Variants in PTPRD observed in about 807,000 individuals in gnomAD.
PTPRD encodes the protein receptor-type tyrosine-protein phosphatase delta.
Under a neutral mutation model 214.5 loss-of-function variants are expected in PTPRD, and 34 were observed. The ratio of observed to expected loss-of-function variants is 0.16; its 90% CI spans 0.12 to 0.21. PTPRD has a LOEUF of 0.21. Among genes scored for constraint, PTPRD ranks in the 10% least tolerant of loss-of-function variants. PTPRD has a pLI of 1.00. For synonymous variants in PTPRD, 1,128 were observed against 845.7 expected, an observed-to-expected ratio of 1.33 and a Z score of -5.79; for missense variants, 2,545 against 2,398.7, an observed-to-expected ratio of 1.06 and a Z score of -1.27.
chr9:8,475,972 T>C (rs1260383652), intron 30 of PTPRD, among the ~76,000 whole-genome samples: 5 of 152,192 alleles, frequency 3.3e-5, no homozygotes, highest in Admixed American at 1.3e-4. Context: ...TTAAAACATT[T>C]CAATGGATCC....
At chr9:9,155,106 T>C (rs964877825) in intron 10 of PTPRD, among the ~76,000 whole-genome samples, 5 of 152,180 alleles carry the variant, frequency 3.3e-5, no homozygotes, top group African/African-American at 1.2e-4. Context: ...CAGTTTCTTA[T>C]GTAGTACGAA....
In PTPRD at chr9:8,451,740, A is replaced by G. The variant is rs764344677; in HGVS notation, c.3876-1903T>C. 14 of 312,816 alleles carry G rather than the reference A, an allele frequency of 4.5e-5. No individual in the cohort carries two copies. In the East Asian group the frequency reaches 9.4e-4, roughly 21 times the overall value. 19.4% of individuals were successfully genotyped at this position (312,816 alleles called of 1,614,324 possible). ...CCTTCTCATGTTTTGATCATTTTGCATAAGTTGGCAAGGATGCATTTCTTT... is the reference window on the plus strand; with the variant it reads ...CCTTCTCATGTTTTGATCATTTTGCGTAAGTTGGCAAGGATGCATTTCTTT... On this transcript the variant is annotated intron_variant, in intron 33 of 45. Coordinates refer to ENST00000381196, the MANE Select transcript of PTPRD (RefSeq NM_002839.4).
chr9:8,621,168 C>A (rs187347051), intron 14 of PTPRD, among the ~76,000 whole-genome samples: 160 of 151,972 alleles, frequency 1.1e-3, no homozygotes, highest in African/African-American at 3.8e-3. Context: ...TTCAACTCCA[C>A]ACCAATTACT....
chr9:9,445,314 A>T (rs10816128), intron 8 of PTPRD, among the ~76,000 whole-genome samples: 1 of 151,870 alleles, frequency 6.6e-6, no homozygotes, highest in Non-Finnish European at 1.5e-5. Context: ...CTAGTCAGTT[A>T]TGCATGCCAT....
chr9:10,413,449 G>A lies in PTPRD; in HGVS notation c.-599-72432C>T, dbSNP rs549886739. On this transcript the variant is annotated intron_variant, in intron 2 of 45. Coordinates refer to ENST00000381196, the MANE Select transcript of PTPRD (RefSeq NM_002839.4). The stretch of plus-strand genomic sequence containing the variant: ...TAAGAACTACAAAATATTGCCCAAA[G>A]AATCAGAGATGACCCAAACAAATGG... Among the ~76,000 whole-genome samples, 5 of 151,814 alleles carry A rather than the reference G, an allele frequency of 3.3e-5. No individual in the cohort carries two copies. The South Asian group carries it at 8.3e-4, about 25-fold the overall frequency.
At chr9:10,267,410 G>T (rs986807416) in intron 3 of PTPRD, among the ~76,000 whole-genome samples, 1 of 152,002 alleles carries the variant, frequency 6.6e-6, no homozygotes, top group African/African-American at 2.4e-5. Context: ...AAAAATGTAC[G>T]TTAATGTATT....
At chr9:9,785,057 A>G (rs1192867152) in intron 5 of PTPRD, among the ~76,000 whole-genome samples, 1 of 151,562 alleles carries the variant, frequency 6.6e-6, no homozygotes, top group Non-Finnish European at 1.5e-5. Flanking sequence ...TAGAGTCTTT[A>G]GAAAGAATGA....
chr9:8,644,492 A>G (rs1486549567), intron 12 of PTPRD, among the ~76,000 whole-genome samples: 2 of 152,146 alleles, frequency 1.3e-5, no homozygotes, highest in Admixed American at 1.3e-4. Context: ...GGGCTGAAAC[A>G]TGCCCCTTGC....
At chr9:10,041,058 T>C (rs1245964960) in intron 3 of PTPRD, among the ~76,000 whole-genome samples, 1 of 152,034 alleles carries the variant, frequency 6.6e-6, no homozygotes, top group Admixed American at 6.6e-5. Context: ...AAAACAAGAA[T>C]GTAAAAACAT....
intron 4 of PTPRD, among the ~76,000 whole-genome samples, chr9:9,949,414 A>C (rs1052729805): frequency 6.6e-6 from 1 of 152,096 alleles, no homozygotes; most frequent in Non-Finnish European, 1.5e-5. Flanking sequence ...TTTTAAATTT[A>C]GTTGATTTTT....
intron 5 of PTPRD, among the ~76,000 whole-genome samples, chr9:9,934,123 G>A (rs147144721): frequency 0.064 from 9,580 of 149,604 alleles, 917 homozygotes; most frequent in East Asian, 0.18. Context: ...ACAAGAGAAA[G>A]CAGGTAAGAT....
At chr9:10,150,221 A>C (rs1390449884) in intron 3 of PTPRD, among the ~76,000 whole-genome samples, 1 of 152,208 alleles carries the variant, frequency 6.6e-6, no homozygotes, top group Non-Finnish European at 1.5e-5. Flanking sequence ...TTTACCAATA[A>C]GAAATGGTGA....
intron 22 of PTPRD, 94 bp downstream of exon 22, chr9:8,507,207 G>C: frequency 1.4e-6 from 2 of 1,403,126 alleles, no homozygotes; most frequent in African/African-American, 1.5e-5. Context: ...GTCCTCAATA[G>C]CTCTCTGACC....
chr9:9,799,631 C>T (rs571154182), intron 5 of PTPRD: 3 of 152,112 alleles, frequency 2.0e-5, no homozygotes, highest in African/African-American at 7.2e-5. Flanking sequence ...TTTGCTAATG[C>T]TAAAATTCAC....
intron 3 of PTPRD, among the ~76,000 whole-genome samples, chr9:10,273,070 T>G (rs1010421264): frequency 6.6e-6 from 1 of 152,196 alleles, no homozygotes; most frequent in Non-Finnish European, 1.5e-5. Flanking sequence ...TGTATGCAGC[T>G]GTTTTCCTCT....
intron 8 of PTPRD, among the ~76,000 whole-genome samples, chr9:9,501,266 C>A (rs994707435): frequency 2.0e-5 from 3 of 151,598 alleles, no homozygotes; most frequent in African/African-American, 7.3e-5. Flanking sequence ...CAAGTTACAC[C>A]TTAAATTTTA....
At chr9:8,630,574 T>C (rs894566526) in intron 14 of PTPRD, among the ~76,000 whole-genome samples, 2 of 151,868 alleles carry the variant, frequency 1.3e-5, no homozygotes, top group Non-Finnish European at 2.9e-5. Context: ...CTTTTGAATT[T>C]TTCTCATGAA....
intron 3 of PTPRD, among the ~76,000 whole-genome samples, chr9:10,129,662 A>G (rs1009345636): frequency 2.0e-5 from 3 of 151,856 alleles, no homozygotes; most frequent in African/African-American, 7.2e-5. Context: ...TACTTTTCCC[A>G]TGGTTTCTTG....
chr9:10,369,866 C>T (rs1433572124), intron 2 of PTPRD, among the ~76,000 whole-genome samples: 2 of 151,870 alleles, frequency 1.3e-5, no homozygotes, highest in African/African-American at 2.4e-5. Context: ...GCATAAATAG[C>T]ATGTCATATT....
Sources: gnomAD v4.1 joint callset for allele counts (sites outside exome capture counted in the v4.1 genomes callset) on GRCh38, gnomAD v4.1.1 for gene constraint, MANE v1.5 for transcripts, NCBI Gene and HGNC (gene_info 2026-07-23, HGNC 2026-07-21) for gene names.